Variants in TNNI3K observed in about 807,000 individuals in gnomAD.
TNNI3K encodes TNNI3 interacting kinase.
Under a neutral mutation model 114.5 loss-of-function variants are expected in TNNI3K, and 140 were observed. The ratio of observed to expected loss-of-function variants is 1.22; its 90% CI spans 1.07 to 1.41. The LOEUF (loss-of-function observed/expected upper bound fraction) is 1.41, where lower values mean the gene tolerates loss of function less well. Among genes scored for constraint, TNNI3K ranks in the 40% most tolerant of loss-of-function variants. The pLI is 0.00. For missense variants in TNNI3K, 1,125 were observed against 1,007.6 expected (o/e 1.12, Z -1.58); for synonymous variants, 347 against 347.5 (o/e 1.00, Z 0.02).
intron 2 of TNNI3K, among the ~76,000 whole-genome samples, chr1:74,247,113 G>T (rs570262110): frequency 1.3e-5 from 2 of 152,272 alleles, no homozygotes; most frequent in East Asian, 3.9e-4. Flanking sequence ...GCGGACCCTC[G>T]CAGTGAGTGT....
intron 5 of TNNI3K, among the ~76,000 whole-genome samples, chr1:74,277,134 A>T (rs941544609): frequency 6.6e-6 from 1 of 152,160 alleles, no homozygotes; most frequent in African/African-American, 2.4e-5. Flanking sequence ...AATATTAGCT[A>T]ACATTTGGTG....
intron 21 of TNNI3K, chr1:74,464,589 C>T (rs1312022697): frequency 6.6e-7 from 1 of 1,524,860 alleles, no homozygotes; most frequent in Admixed American, 2.0e-5. Flanking sequence ...GGCCCCAGTC[C>T]AGATGTTTGA....
intron 24 of TNNI3K, among the ~76,000 whole-genome samples, chr1:74,540,899 T>C (rs1646719090): frequency 6.6e-6 from 1 of 152,174 alleles, no homozygotes; most frequent in Non-Finnish European, 1.5e-5. Flanking sequence ...TTAATAAAGC[T>C]CTTTGAAATA....
At chr1:74,515,923 T>G (rs1416265351) in intron 23 of TNNI3K, among the ~76,000 whole-genome samples, 1 of 152,208 alleles carries the variant, frequency 6.6e-6, no homozygotes, top group African/African-American at 2.4e-5. Flanking sequence ...ACCTCCTGGC[T>G]GCCTTCAAGG....
chr1:74,525,194 G>A (rs1462527955), intron 23 of TNNI3K, among the ~76,000 whole-genome samples: 1 of 152,094 alleles, frequency 6.6e-6, no homozygotes, highest in Non-Finnish European at 1.5e-5. Context: ...GAATGCAGCA[G>A]GCATAAATGA....
chr1:74,456,935 T>C (rs1667250636), intron 20 of TNNI3K, among the ~76,000 whole-genome samples: 1 of 152,192 alleles, frequency 6.6e-6, no homozygotes, highest in Non-Finnish European at 1.5e-5. Context: ...AAGACACAGA[T>C]ATTCAATAGG....
At chr1:74,283,520 G>A (rs572978922) in intron 5 of TNNI3K, among the ~76,000 whole-genome samples, 2 of 152,262 alleles carry the variant, frequency 1.3e-5, no homozygotes, top group Non-Finnish European at 2.9e-5. Context: ...TCAGGGTGAG[G>A]TAGAAGAGCA....
At chr1:74,292,438 C>A (rs931797493) in intron 5 of TNNI3K, among the ~76,000 whole-genome samples, 2 of 151,390 alleles carry the variant, frequency 1.3e-5, no homozygotes, top group African/African-American at 4.8e-5. Context: ...AACATTTTTC[C>A]TTCTACTAGA....
chr1:74,336,920 G>T (rs557943914), intron 7 of TNNI3K, among the ~76,000 whole-genome samples: 1 of 152,012 alleles, frequency 6.6e-6, no homozygotes, highest in Non-Finnish European at 1.5e-5. Flanking sequence ...CTGAGGAATC[G>T]CCACACTGAC....
Position 74,439,594 on chromosome 1 carries a change from C to T in TNNI3K, c.1983C>T (p.Gly661=), listed in dbSNP as rs187479159. 3.0e-5 allele frequency: 48 copies of T among 1,613,334 alleles called. No homozygotes were observed. In the East Asian group the frequency reaches 3.3e-4, roughly 11 times the overall value. Residue 661 remains glycine, a synonymous_variant, in exon 20 of 25, where the codon GGC becomes GGT. Coordinates refer to ENST00000326637, the MANE Select transcript of TNNI3K (RefSeq NM_015978.3). ...TGTGTCTGTGGGAAATTCTCACTGGCGAAATTCCATTCGCTCATCTCAAGC... is the reference window on the plus strand; with the variant it reads ...TGTGTCTGTGGGAAATTCTCACTGGTGAAATTCCATTCGCTCATCTCAAGC... ...YALCLWEILT[G]EIPFAHLKPA...
intron 9 of TNNI3K, among the ~76,000 whole-genome samples, chr1:74,347,175 G>A (rs1206534363): frequency 1.1e-4 from 12 of 110,820 alleles, no homozygotes; most frequent in African/African-American, 1.5e-4. Flanking sequence ...AACAGTCTCC[G>A]GTGTGTGATG....
At chr1:74,344,044 T>G (rs547641180) in intron 9 of TNNI3K, among the ~76,000 whole-genome samples, 1 of 152,296 alleles carries the variant, frequency 6.6e-6, no homozygotes, top group Admixed American at 6.5e-5. Context: ...TGAGGCTAAT[T>G]TGTTGTTCAC....
chr1:74,448,183 C>T (rs1431314672), intron 20 of TNNI3K, among the ~76,000 whole-genome samples: 3 of 106,030 alleles, frequency 2.8e-5, no homozygotes, highest in East Asian at 2.7e-4. Flanking sequence ...GTGGGTGCAG[C>T]GCACCAGCAT....
At chr1:74,396,383 T>C (rs1272578940) in intron 17 of TNNI3K, among the ~76,000 whole-genome samples, 1 of 152,182 alleles carries the variant, frequency 6.6e-6, no homozygotes, top group Non-Finnish European at 1.5e-5. Flanking sequence ...AGAAGTTGGA[T>C]TTGTGAGTGC....
At chr1:74,480,649 G>A (rs1668443913) in intron 21 of TNNI3K, 1 of 717,188 alleles carries the variant, frequency 1.4e-6, no homozygotes, top group Non-Finnish European at 2.6e-6. Context: ...CATCCAGCTG[G>A]AGCCGGGTCA....
At chr1:74,511,400 CCTCGAACTCCTGGT>C (rs1049777119) in intron 23 of TNNI3K, among the ~76,000 whole-genome samples, 1 of 152,164 alleles carries the variant, frequency 6.6e-6, no homozygotes. Context: ...GCCATGTTGG[CCTCGAACTCCTGGT>C]CTCGAACTCC....
chr1:74,528,262 C>A (rs2100432248), intron 23 of TNNI3K, among the ~76,000 whole-genome samples: 1 of 152,214 alleles, frequency 6.6e-6, no homozygotes, highest in East Asian at 1.9e-4. Flanking sequence ...TGTGGGCAGG[C>A]AGCCCAGTGC....
chr1:74,362,021 G>A (rs887776541), intron 11 of TNNI3K, among the ~76,000 whole-genome samples: 1 of 152,100 alleles, frequency 6.6e-6, no homozygotes, highest in African/African-American at 2.4e-5. Flanking sequence ...TTCCCTCTCT[G>A]TGATATAAAA....
At chr1:74,311,715 T>A (rs2100353374) in intron 5 of TNNI3K, among the ~76,000 whole-genome samples, 1 of 152,240 alleles carries the variant, frequency 6.6e-6, no homozygotes, top group African/African-American at 2.4e-5. Flanking sequence ...TGGGAGTGAG[T>A]CTTGCCACAG....
Sources: allele counts gnomAD v4.1 joint callset (sites outside exome capture counted in the v4.1 genomes callset), GRCh38; gene constraint gnomAD v4.1.1; transcripts MANE v1.5; gene names NCBI Gene and HGNC (gene_info 2026-07-23, HGNC 2026-07-21).